The following CDH13 variants were observed in gnomAD, a reference collection of about 807,000 sequenced individuals.
CDH13 encodes the protein cadherin-13.
In CDH13, 24 loss-of-function variants were observed where a neutral mutation model predicts 63.8. That is an observed-to-expected ratio of 0.38 (90% confidence interval 0.27 to 0.53). CDH13 has a LOEUF of 0.53. Ranked by LOEUF, CDH13 falls within the 20% of genes least tolerant of loss-of-function variation. The probability of loss-of-function intolerance (pLI) is 0.85; values close to 1 mark genes in which losing one functional copy is unlikely to be tolerated. For missense variants in CDH13, 1,049 were observed against 903.1 expected, an observed-to-expected ratio of 1.16 and a Z score of -2.07; for synonymous variants, 503 against 355.3, an observed-to-expected ratio of 1.42 and a Z score of -4.67.
intron 5 of CDH13, among the ~76,000 whole-genome samples, chr16:83,338,274 A>G (rs1425782518): frequency 6.6e-6 from 1 of 152,072 alleles, no homozygotes; most frequent in Non-Finnish European, 1.5e-5. Context: ...AAGGCTACAG[A>G]GTCCACCAGC....
At chr16:82,916,280 A>G (rs2041986142) in intron 2 of CDH13, among the ~76,000 whole-genome samples, 1 of 152,296 alleles carries the variant, frequency 6.6e-6, no homozygotes, top group Admixed American at 6.5e-5. Context: ...TGATTCAAAT[A>G]AAAGGAAGAC....
Position 83,047,211 on chromosome 16 carries a change from C to T in CDH13, c.366+14993C>T, listed in dbSNP as rs575098931. ...TTTATCTGAAGACCACCTCCTGCCC[C>T]TCACTCTTACTCCAGAGGCCTGTGT... On this transcript the variant is annotated intron_variant, in intron 3 of 13. Transcript: ENST00000567109. The surrounding 1 kb of genome is among the most constrained non-coding windows in gnomAD (Gnocchi z 4.9). Among the ~76,000 whole-genome samples, 15 of 152,084 alleles carry T rather than the reference C, an allele frequency of 9.9e-5. No individual in the cohort carries two copies. Among genetic ancestry groups the T allele is most frequent in the Non-Finnish European group, 2.2e-4 (15 of 68,016 alleles).
chr16:82,638,303 C>T (rs1908935964), intron 1 of CDH13, among the ~76,000 whole-genome samples: 1 of 152,198 alleles, frequency 6.6e-6, no homozygotes, highest in African/African-American at 2.4e-5. Flanking sequence ...TTAGGGACTG[C>T]TGAGCAGACC....
chr16:82,689,553 C>A (rs563292970), intron 1 of CDH13, among the ~76,000 whole-genome samples: 3 of 152,282 alleles, frequency 2.0e-5, no homozygotes, highest in African/African-American at 4.8e-5. Flanking sequence ...GGAGTGACTT[C>A]CGTCACTGCC....
chr16:83,459,218 A>G (rs985478594), intron 6 of CDH13, among the ~76,000 whole-genome samples: 1 of 152,230 alleles, frequency 6.6e-6, no homozygotes, highest in African/African-American at 2.4e-5. Flanking sequence ...GTCCAGAAAT[A>G]TTTTGTTAGC....
intron 10 of CDH13, among the ~76,000 whole-genome samples, chr16:83,734,909 G>A (rs951479216): frequency 9.3e-5 from 14 of 151,220 alleles, no homozygotes; most frequent in Non-Finnish European, 2.1e-4. Flanking sequence ...TGGGAGACCT[G>A]ATGGTTGGCT....
At chr16:83,298,440 A>G (rs1467277653) in intron 5 of CDH13, among the ~76,000 whole-genome samples, 2 of 152,150 alleles carry the variant, frequency 1.3e-5, no homozygotes, top group Non-Finnish European at 2.9e-5. Flanking sequence ...TCTTGAGTGT[A>G]TGTGACGGAT....
At chr16:83,529,144 A>C (rs1003913104) in intron 7 of CDH13, among the ~76,000 whole-genome samples, 1 of 147,250 alleles carries the variant, frequency 6.8e-6, no homozygotes, top group African/African-American at 2.5e-5. Context: ...TTGCTTCTTC[A>C]GGAAGTTAAG....
chr16:83,035,043 G>C (rs992666111), intron 3 of CDH13, among the ~76,000 whole-genome samples: 21 of 152,044 alleles, frequency 1.4e-4, no homozygotes, highest in African/African-American at 4.8e-4. Flanking sequence ...TTGAAAAAAG[G>C]CTTTGTGAAG....
At chr16:82,654,310 C>A (rs1911059640) in intron 1 of CDH13, among the ~76,000 whole-genome samples, 1 of 152,158 alleles carries the variant, frequency 6.6e-6, no homozygotes, top group Admixed American at 6.5e-5. Context: ...GGTTTCCCAA[C>A]TCTCATAGCA....
At chr16:83,083,827 A>C (rs2033414392) in intron 3 of CDH13, among the ~76,000 whole-genome samples, 1 of 152,188 alleles carries the variant, frequency 6.6e-6, no homozygotes, top group Non-Finnish European at 1.5e-5. Flanking sequence ...AATACAATGA[A>C]GGGCATCCAG....
chr16:82,638,675 G>A (rs1243979797), intron 1 of CDH13, among the ~76,000 whole-genome samples: 1 of 152,142 alleles, frequency 6.6e-6, no homozygotes, highest in Non-Finnish European at 1.5e-5. Flanking sequence ...TCCCCAGGGA[G>A]GATTTGCCAA....
At chr16:83,587,408 G>A (rs960248026) in intron 7 of CDH13, among the ~76,000 whole-genome samples, 1 of 152,164 alleles carries the variant, frequency 6.6e-6, no homozygotes, top group Admixed American at 6.5e-5. Flanking sequence ...AACATCCACC[G>A]ACCCCTCGGT....
intron 1 of CDH13, among the ~76,000 whole-genome samples, chr16:82,672,533 T>C (rs2150946477): frequency 6.6e-6 from 1 of 152,150 alleles, no homozygotes; most frequent in Admixed American, 6.5e-5. Context: ...TCCAGTATCA[T>C]TCTTGGCTCT....
intron 2 of CDH13, among the ~76,000 whole-genome samples, chr16:83,009,791 G>A (rs181557624): frequency 6.6e-6 from 1 of 152,274 alleles, no homozygotes; most frequent in East Asian, 1.9e-4. Flanking sequence ...TGTCACACTT[G>A]AGCATGAACA....
chr16:82,994,495 A>G (rs1911994285), intron 2 of CDH13, among the ~76,000 whole-genome samples: 1 of 152,128 alleles, frequency 6.6e-6, no homozygotes, highest in Non-Finnish European at 1.5e-5. Flanking sequence ...GTAGCCTTTC[A>G]TCGTAATCTC....
intron 3 of CDH13, among the ~76,000 whole-genome samples, chr16:83,038,342 G>A (rs891411539): frequency 6.6e-6 from 1 of 152,138 alleles, no homozygotes; most frequent in African/African-American, 2.4e-5. Flanking sequence ...AGACTCACAA[G>A]CTATTTCTGC....
chr16:82,804,309 A>ATGCG (rs60630559), intron 1 of CDH13, among the ~76,000 whole-genome samples: 1 of 146,476 alleles, frequency 6.8e-6, no homozygotes, highest in Non-Finnish European at 1.5e-5. Context: ...ACACACACAC[A>ATGCG]CACGCACACA....
At chr16:83,236,857 A>C (rs1420894274) in intron 5 of CDH13, among the ~76,000 whole-genome samples, 1 of 152,090 alleles carries the variant, frequency 6.6e-6, no homozygotes, top group African/African-American at 2.4e-5. Flanking sequence ...TTTCCCTTTG[A>C]AGTCATGGAA....
Sources: gnomAD v4.1 joint callset for allele counts (sites outside exome capture counted in the v4.1 genomes callset) on GRCh38, gnomAD v4.1.1 for gene constraint, Gnocchi (gnomAD v3.1) non-coding constraint, MANE v1.5 for transcripts, NCBI Gene and HGNC (gene_info 2026-07-23, HGNC 2026-07-21) for gene names.